Variants in CYRIB observed in about 807,000 individuals in gnomAD.
CYRIB encodes the protein CYFIP-related Rac1 interactor B.
In CYRIB, 8 loss-of-function variants were observed where a neutral mutation model predicts 44.2. The observed-to-expected ratio is 0.18, with a 90% CI of 0.11 to 0.33. The LOEUF (loss-of-function observed/expected upper bound fraction) is 0.33. Among genes scored for constraint, CYRIB ranks in the 10% least tolerant of loss-of-function variants. The probability of loss-of-function intolerance (pLI) is 1.00; values close to 1 mark genes in which losing one functional copy is unlikely to be tolerated. For missense variants in CYRIB, 185 were observed against 382.8 expected, an observed-to-expected ratio of 0.48 and a Z score of 4.31; for synonymous variants, 131 against 127.2, an observed-to-expected ratio of 1.03 and a Z score of -0.20.
At chr8:129,942,085 A>C (rs1464297179), upstream of CYRIB, among the ~76,000 whole-genome samples, 1 of 152,210 alleles carries the variant, frequency 6.6e-6, no homozygotes. Context: ...TCACACCTGT[A>C]ATCCCAGCAC....
At chr8:129,858,777 C>A (rs1213489282) in intron 5 of CYRIB, among the ~76,000 whole-genome samples, 3 of 152,148 alleles carry the variant, frequency 2.0e-5, no homozygotes, top group Non-Finnish European at 4.4e-5. Context: ...ATGAGCAAGA[C>A]TGAGGGGAGA....
chr8:129,988,276 G>C (rs2065410), intron 1 of CYRIB, among the ~76,000 whole-genome samples: 54,333 of 152,058 alleles, frequency 0.36, 10,341 homozygotes, highest in African/African-American at 0.48. Flanking sequence ...TCCTGATTCC[G>C]CTATCTTGCT....
intron 1 of CYRIB, among the ~76,000 whole-genome samples, chr8:129,975,341 C>T (rs1395467637): frequency 6.6e-6 from 1 of 152,194 alleles, no homozygotes; most frequent in East Asian, 1.9e-4. Flanking sequence ...GAAGACATTT[C>T]TACCCATAAT....
At chr8:129,967,625 T>C (rs1400347439) in intron 2 of CYRIB, among the ~76,000 whole-genome samples, 1 of 152,128 alleles carries the variant, frequency 6.6e-6, no homozygotes, top group Non-Finnish European at 1.5e-5. Context: ...ATGATCCGCC[T>C]GCCTCAGCCT....
At chr8:129,976,608 C>T (rs1248408001) in intron 1 of CYRIB, among the ~76,000 whole-genome samples, 2 of 152,106 alleles carry the variant, frequency 1.3e-5, no homozygotes, top group African/African-American at 4.8e-5. Context: ...CAGCTCTTCC[C>T]ATAGTTACCT....
At chr8:129,914,063 C>T (rs2079464744) in intron 1 of CYRIB, among the ~76,000 whole-genome samples, 1 of 152,150 alleles carries the variant, frequency 6.6e-6, no homozygotes, top group African/African-American at 2.4e-5. Context: ...TCACTGCATA[C>T]CTGTTATTCA....
chr8:129,927,882 A>T (rs2088844682), intron 1 of CYRIB, among the ~76,000 whole-genome samples: 1 of 152,202 alleles, frequency 6.6e-6, no homozygotes, highest in Non-Finnish European at 1.5e-5. Context: ...AAAGACATCA[A>T]GGCAATTCAG....
intron 11 of CYRIB, 88 bp from the exon 14 acceptor site, chr8:129,842,293 G>C: frequency 1.1e-6 from 1 of 940,606 alleles, no homozygotes; most frequent in Middle Eastern, 2.1e-4. Context: ...ATGGAGAATT[G>C]GTCTCAGCAA....
chr8:129,920,563 C>T (rs961439262), intron 1 of CYRIB, among the ~76,000 whole-genome samples: 5 of 152,074 alleles, frequency 3.3e-5, no homozygotes, highest in Non-Finnish European at 7.4e-5. Context: ...GAATGAGTGC[C>T]ATAACTGTAC....
chr8:129,881,525 T>C (rs1368303182), intron 2 of CYRIB, among the ~76,000 whole-genome samples: 1 of 152,246 alleles, frequency 6.6e-6, no homozygotes, highest in Admixed American at 6.5e-5. Flanking sequence ...CATCAGCATA[T>C]GTTTCTAACT....
chr8:129,971,686 G>T (rs926047046), intron 1 of CYRIB, among the ~76,000 whole-genome samples: 1 of 152,102 alleles, frequency 6.6e-6, no homozygotes, highest in Admixed American at 6.5e-5. Flanking sequence ...AGCAAGTCTT[G>T]GTCCCAGCAA....
chr8:129,941,289 T>G (rs1663152822), upstream of CYRIB, among the ~76,000 whole-genome samples: 1 of 150,656 alleles, frequency 6.6e-6, no homozygotes, highest in Admixed American at 6.6e-5. Flanking sequence ...TTTTTTTTTT[T>G]TTTGGTGATG....
chr8:129,839,635 A>G (rs1027424810), exon 12 of CYRIB: 1 of 152,162 alleles, frequency 6.6e-6, no homozygotes, highest in Non-Finnish European at 1.5e-5. Flanking sequence ...TAAAATTTGA[A>G]TTTCATATGC....
chr8:129,919,824 A>G (rs1438288439), intron 1 of CYRIB, among the ~76,000 whole-genome samples: 1 of 152,190 alleles, frequency 6.6e-6, no homozygotes, highest in Admixed American at 6.5e-5. Context: ...AACATAATAA[A>G]ATAATACTAA....
At chr8:129,995,139 G>A (rs2096737955) in intron 1 of CYRIB, among the ~76,000 whole-genome samples, 1 of 152,178 alleles carries the variant, frequency 6.6e-6, no homozygotes, top group African/African-American at 2.4e-5. Context: ...AAGTACCCAT[G>A]AGACCTACCA....
chr8:129,863,411 G>C (rs1313407227), intron 4 of CYRIB, among the ~76,000 whole-genome samples: 1 of 151,914 alleles, frequency 6.6e-6, no homozygotes, highest in South Asian at 2.1e-4. Flanking sequence ...TGTAATCCCA[G>C]TTACTCAGGA....
At chr8:129,862,512 C>T (rs2050369495) in intron 4 of CYRIB, among the ~76,000 whole-genome samples, 178 bp from the exon 7 acceptor site, 1 of 151,874 alleles carries the variant, frequency 6.6e-6, no homozygotes, top group African/African-American at 2.4e-5. Context: ...ACTCTGTTGC[C>T]CAGGCTGAAG....
chr8:129,889,282 C>T (rs978275289), intron 2 of CYRIB, among the ~76,000 whole-genome samples: 2 of 152,126 alleles, frequency 1.3e-5, no homozygotes, highest in African/African-American at 4.8e-5. Flanking sequence ...AATTACTGCT[C>T]ACTGATAATG....
At chr8:129,841,201 C>T (rs837065) in exon 12 of CYRIB, 63,487 of 151,864 alleles carry the variant, frequency 0.42, 14,444 homozygotes, top group East Asian at 0.53. Context: ...AGCAAGGATG[C>T]GGTTTTCCTT....
Sources: allele counts gnomAD v4.1 joint callset (sites outside exome capture counted in the v4.1 genomes callset), GRCh38; gene constraint gnomAD v4.1.1; transcripts MANE v1.5; gene names NCBI Gene and HGNC (gene_info 2026-07-23, HGNC 2026-07-21).